Variants in TRERF1 observed in about 807,000 individuals in gnomAD.
TRERF1 encodes the protein transcriptional regulating factor 1.
A neutral mutation model predicts 122.9 loss-of-function variants in TRERF1; 27 were observed. The ratio of observed to expected loss-of-function variants is 0.22; its 90% CI spans 0.16 to 0.30. TRERF1 has a LOEUF of 0.30. Among genes scored for constraint, TRERF1 ranks in the 10% least tolerant of loss-of-function variants. The probability of loss-of-function intolerance (pLI) is 1.00; values close to 1 mark genes in which losing one functional copy is unlikely to be tolerated. For synonymous variants in TRERF1, 636 were observed against 641.7 expected (o/e 0.99, Z 0.13); for missense variants, 1,248 against 1,560.3 (o/e 0.80, Z 3.37).
At chr6:42,330,010 T>C (rs1764987657) in intron 3 of TRERF1, among the ~76,000 whole-genome samples, 1 of 152,004 alleles carries the variant, frequency 6.6e-6, no homozygotes, top group East Asian at 1.9e-4. Context: ...AAAGTATTGA[T>C]TCTATGTATG....
At chr6:42,236,087 C>T in intron 16 of TRERF1, 118 bp downstream of exon 16, 3 of 1,425,104 alleles carry the variant, frequency 2.1e-6, no homozygotes, top group South Asian at 1.6e-5. Flanking sequence ...ATGGAGCACC[C>T]TCTGCCAAAC....
chr6:42,259,583 G>A lies in TRERF1; in HGVS notation c.2025C>T (p.Ala675=), dbSNP rs373317998. 7 of 1,613,812 alleles carry A rather than the reference G, an allele frequency of 4.3e-6. No individual in the cohort carries two copies. Among genetic ancestry groups the A allele is most frequent in the Non-Finnish European group, 5.9e-6 (7 of 1,179,924 alleles). The change falls in exon 9 of 18, where the codon GCC becomes GCT. Residue 675 remains alanine, a synonymous_variant. Transcript: ENST00000372922. This position sits in a 1 kb window ranked among gnomAD's most constrained non-coding sequence, Gnocchi z 4.9. The stretch of plus-strand genomic sequence containing the variant: ...GGTACAGGGTGGCGCCCGAGTAGGA[G>A]GCAGCGGGGTTCGGGTTGTAGGAGG...
At chr6:42,360,964 T>C (rs976505352) in intron 3 of TRERF1, among the ~76,000 whole-genome samples, 1 of 152,044 alleles carries the variant, frequency 6.6e-6, no homozygotes, top group Non-Finnish European at 1.5e-5. Context: ...TTTTTGGTAG[T>C]CAGCCTGAAA....
At chr6:42,361,639 C>G (rs1399090126) in intron 3 of TRERF1, among the ~76,000 whole-genome samples, 1 of 152,188 alleles carries the variant, frequency 6.6e-6, no homozygotes, top group East Asian at 1.9e-4. Flanking sequence ...TAGCTGACCT[C>G]ACAATGCAAA....
chr6:42,277,905 GGAAGAA>G (rs70987587), intron 4 of TRERF1, among the ~76,000 whole-genome samples: 10,643 of 84,788 alleles, frequency 0.13, 751 homozygotes, highest in African/African-American at 0.16. Context: ...GAAGGAAGAA[GGAAGAA>G]GAAGAAGAAG....
At chr6:42,281,314 A>T (rs1782262404) in intron 4 of TRERF1, among the ~76,000 whole-genome samples, 1 of 152,114 alleles carries the variant, frequency 6.6e-6, no homozygotes, top group Non-Finnish European at 1.5e-5. Context: ...AATCCTAGCT[A>T]AAGGTTTTAC....
Position 42,259,659 on chromosome 6 carries a change from T to G in TRERF1, c.1949A>C (p.Glu650Ala). ...CGGCCGGTGCCGGAACTTTTTCTTC[T>G]CCTGCACGGTCTTGAGGGGCTCCTC... The change falls in exon 9 of 18, where the codon GAG becomes GCG. Residue 650 changes from glutamate to alanine, a missense_variant. Glu to Ala is a moderately radical substitution (Grantham distance 107). Transcript: ENST00000372922. This position sits in a 1 kb window ranked among gnomAD's most constrained non-coding sequence, Gnocchi z 4.9. 6.2e-7 allele frequency: 1 copy of G among 1,611,330 alleles called. No individual in the cohort carries two copies. The highest frequency in any genetic ancestry group is 8.5e-7 in the Non-Finnish European group (1 of 1,179,980).
chr6:42,408,741 C>G (rs1202040773), intron 2 of TRERF1, among the ~76,000 whole-genome samples: 1 of 152,078 alleles, frequency 6.6e-6, no homozygotes, highest in Non-Finnish European at 1.5e-5. Flanking sequence ...TTGAACACAT[C>G]TCATTCCATT....
At chr6:42,304,259 T>C (rs1302844895) in intron 3 of TRERF1, among the ~76,000 whole-genome samples, 2 of 152,242 alleles carry the variant, frequency 1.3e-5, no homozygotes, top group African/African-American at 4.8e-5. Context: ...ATTTCATGCA[T>C]AGCATGTGAG....
rs529299193 is a variant in TRERF1, at chr6:42,296,256, T to G, written c.-259+4382A>C. Among the ~76,000 whole-genome samples the G allele has an allele frequency of 1.9e-3, 287 of 152,352 alleles. 1 individual carries two copies. Among genetic ancestry groups the G allele is most frequent in the Non-Finnish European group, 3.6e-3 (245 of 68,040 alleles). ...GTGCGTTCTATCTTCCCTCAGATTATTTTTAAAAACACCCCAGTTCAAAGA... is the reference window on the plus strand; with the variant it reads ...GTGCGTTCTATCTTCCCTCAGATTAGTTTTAAAAACACCCCAGTTCAAAGA... On this transcript the variant is annotated intron_variant, in intron 4 of 17. Coordinates refer to ENST00000372922, the Ensembl canonical transcript of TRERF1.
At chr6:42,374,688 T>C (rs148104699) in intron 2 of TRERF1, among the ~76,000 whole-genome samples, 82 of 151,942 alleles carry the variant, frequency 5.4e-4, no homozygotes, top group African/African-American at 1.9e-3. Flanking sequence ...TCCTCAGAGG[T>C]AGAAATGTGA....
At chr6:42,400,794 A>C (rs943229763) in intron 2 of TRERF1, among the ~76,000 whole-genome samples, 1 of 152,150 alleles carries the variant, frequency 6.6e-6, no homozygotes, top group Non-Finnish European at 1.5e-5. Context: ...CCAAAGTCCC[A>C]ATGTCAAATA....
At chr6:42,267,567 G>A (rs1411806817) in intron 5 of TRERF1, among the ~76,000 whole-genome samples, 2 of 152,148 alleles carry the variant, frequency 1.3e-5, no homozygotes, top group Admixed American at 1.3e-4. Context: ...AGGTGGGGGA[G>A]GTTGCAGTGA....
At chr6:42,248,914 C>T (rs968687969) in intron 13 of TRERF1, among the ~76,000 whole-genome samples, 1 of 152,146 alleles carries the variant, frequency 6.6e-6, no homozygotes, top group Non-Finnish European at 1.5e-5. Context: ...CTTGGGGTCC[C>T]CTTACCCAGG....
At chr6:42,291,359 T>C (rs972886228) in intron 4 of TRERF1, among the ~76,000 whole-genome samples, 10 of 151,390 alleles carry the variant, frequency 6.6e-5, no homozygotes, top group Non-Finnish European at 1.2e-4. Flanking sequence ...GCACGTCCCA[T>C]GAATCTGGCT....
chr6:42,445,714 C>T (rs1251248357), intron 2 of TRERF1, among the ~76,000 whole-genome samples: 1 of 152,086 alleles, frequency 6.6e-6, no homozygotes, highest in African/African-American at 2.4e-5. Flanking sequence ...CTCCCCACCC[C>T]ACAGCAGCCC....
At chr6:42,339,130 C>T (rs1048907695) in intron 3 of TRERF1, among the ~76,000 whole-genome samples, 2 of 152,220 alleles carry the variant, frequency 1.3e-5, no homozygotes, top group Non-Finnish European at 2.9e-5. Context: ...TCTTATCTAT[C>T]CTTGAGGTCA....
At chr6:42,304,594 G>A (rs577692556) in intron 3 of TRERF1, among the ~76,000 whole-genome samples, 2 of 152,302 alleles carry the variant, frequency 1.3e-5, no homozygotes, top group South Asian at 4.1e-4. Flanking sequence ...GCTGACCAGG[G>A]GTTCTGATGA....
chr6:42,288,701 G>A (rs1783732776), intron 4 of TRERF1, among the ~76,000 whole-genome samples: 1 of 152,030 alleles, frequency 6.6e-6, no homozygotes, highest in Non-Finnish European at 1.5e-5. Context: ...ATAGGGAGGG[G>A]AAATAGGGTG....
Sources: gnomAD v4.1 joint callset for allele counts (sites outside exome capture counted in the v4.1 genomes callset) on GRCh38, gnomAD v4.1.1 for gene constraint, Gnocchi (gnomAD v3.1) non-coding constraint, MANE v1.5 for transcripts, NCBI Gene and HGNC (gene_info 2026-07-23, HGNC 2026-07-21) for gene names.